The following CBX7 variants were observed in gnomAD, a reference collection of about 807,000 sequenced individuals.
CBX7 encodes the protein chromobox 7.
A neutral mutation model predicts 31.4 loss-of-function variants in CBX7; 14 were observed. That is an observed-to-expected ratio of 0.45 (90% CI 0.29 to 0.70). CBX7 has a LOEUF of 0.70. CBX7 is among the 30% of genes least tolerant of loss of function. The probability of loss-of-function intolerance (pLI) is 0.11; values close to 1 mark genes in which losing one functional copy is unlikely to be tolerated. For synonymous variants in CBX7, 159 were observed against 152.6 expected (o/e 1.04, Z -0.31); for missense variants, 269 against 351.9 (o/e 0.76, Z 1.89).
chr22:39,147,645 G>A (rs1221212589), intron 2 of CBX7: 1 of 152,132 alleles, frequency 6.6e-6, no homozygotes, highest in Non-Finnish European at 1.5e-5. Flanking sequence ...CAAGTGAGGT[G>A]GGGATGGTTA....
chr22:39,137,190 A>G (rs1444584758), intron 4 of CBX7, among the ~76,000 whole-genome samples: 1 of 152,018 alleles, frequency 6.6e-6, no homozygotes, highest in East Asian at 1.9e-4. Flanking sequence ...TTTTTTTAGG[A>G]TTTTGGAATA....
At chr22:39,151,944 G>A (rs564097809) in intron 1 of CBX7, among the ~76,000 whole-genome samples, 1 of 152,110 alleles carries the variant, frequency 6.6e-6, no homozygotes, top group Non-Finnish European at 1.5e-5. Flanking sequence ...TCAGAGGCCG[G>A]AGGAGACTTT....
intron 4 of CBX7, chr22:39,136,079 G>C (rs1930242173): frequency 7.1e-6 from 1 of 140,698 alleles, no homozygotes; most frequent in Non-Finnish European, 1.5e-5. Flanking sequence ...GACAGAGCGA[G>C]ACTCTGTCTG....
chr22:39,136,123 ACAT>A (rs1258346476), intron 4 of CBX7: 1 of 151,382 alleles, frequency 6.6e-6, no homozygotes, highest in Admixed American at 6.6e-5. Context: ...GAAGCCCAGT[ACAT>A]TCTACCATTC....
At chr22:39,143,618 G>C (rs539444509) in intron 2 of CBX7, among the ~76,000 whole-genome samples, 4 of 152,282 alleles carry the variant, frequency 2.6e-5, no homozygotes, top group African/African-American at 9.6e-5. Flanking sequence ...TCCACTCATC[G>C]ACAGTGAGTG....
intron 3 of CBX7, 28 bp downstream of exon 3, chr22:39,141,343 C>A: frequency 6.2e-7 from 1 of 1,600,030 alleles, no homozygotes; most frequent in South Asian, 1.1e-5. Context: ...GCCCTAAGCC[C>A]CACCCGGCGG....
chr22:39,145,350 G>A (rs1347676613), intron 2 of CBX7, among the ~76,000 whole-genome samples: 2 of 152,202 alleles, frequency 1.3e-5, no homozygotes, highest in Admixed American at 1.3e-4. Context: ...CGAAGAGCCG[G>A]GCGCTGGCAA....
chr22:39,149,414 C>T (rs541892936), intron 2 of CBX7: 43 of 351,956 alleles, frequency 1.2e-4, no homozygotes, highest in Non-Finnish European at 2.1e-4. Context: ...TCATGCAGCA[C>T]TGTGCTTAAA....
chr22:39,134,834 G>A (rs890726951), intron 4 of CBX7, 82 bp from the exon 5 acceptor site: 16 of 821,090 alleles, frequency 1.9e-5, no homozygotes, highest in African/African-American at 1.8e-4. Flanking sequence ...CCTCCCACCC[G>A]GAATGCCCTT....
At chr22:39,138,609 A>G in intron 4 of CBX7, 27 bp downstream of exon 4, 1 of 1,612,322 alleles carries the variant, frequency 6.2e-7, no homozygotes, top group Non-Finnish European at 8.5e-7. Flanking sequence ...CAGGGGGAGA[A>G]AGGAGGCACA....
chr22:39,132,073 C>T lies in CBX7; in HGVS notation c.*1818G>A, dbSNP rs1930062333. On this transcript the variant is annotated 3_prime_UTR_variant, in exon 6 of 6. Coordinates refer to ENST00000216133, the MANE Select transcript of CBX7 (RefSeq NM_175709.5). ...CTGGGCTGGAGGTGAATCAGGTCAT[C>T]CCGGAGGGGACTGTCCCCCAATGGA... 1 of 152,208 alleles carries T rather than the reference C, an allele frequency of 6.6e-6. No individual in the cohort carries two copies. Among genetic ancestry groups the T allele is most frequent in the Non-Finnish European group, 1.5e-5 (1 of 68,070 alleles). The allele number at this position is 152,208 out of a possible 1,614,324, so 9.4% of individuals were successfully genotyped here. A position where few individuals can be genotyped will look rare whatever the true frequency, so the allele number is the denominator to read the frequency against.
chr22:39,150,020 A>C (rs1185009357), intron 1 of CBX7, among the ~76,000 whole-genome samples, 188 bp from the exon 2 acceptor site: 2 of 152,110 alleles, frequency 1.3e-5, no homozygotes, highest in Non-Finnish European at 2.9e-5. Flanking sequence ...CGACTGCTGC[A>C]TGCCCGCCCC....
intron 2 of CBX7, 92 bp downstream of exon 2, chr22:39,149,697 A>T: frequency 9.4e-7 from 1 of 1,067,822 alleles, no homozygotes; most frequent in Non-Finnish European, 1.5e-6. Context: ...AGCTGGAGCT[A>T]AAAGCTAGGC....
intron 4 of CBX7, chr22:39,135,029 A>G (rs924132557): frequency 9.8e-6 from 4 of 408,274 alleles, no homozygotes; most frequent in Non-Finnish European, 1.7e-5. Flanking sequence ...AGAAGCATAC[A>G]AGAAGGACAA....
chr22:39,144,623 C>A (rs184116702), intron 2 of CBX7, among the ~76,000 whole-genome samples: 1 of 152,308 alleles, frequency 6.6e-6, no homozygotes, highest in Admixed American at 6.5e-5. Flanking sequence ...TTCCTCCCCC[C>A]GGAAAAGGCT....
chr22:39,148,319 G>C (rs569550692), intron 2 of CBX7: 1 of 152,276 alleles, frequency 6.6e-6, no homozygotes, highest in African/African-American at 2.4e-5. Flanking sequence ...CAATCAAAGT[G>C]GGGGAAGGAA....
intron 4 of CBX7, among the ~76,000 whole-genome samples, chr22:39,138,098 G>A (rs887633860): frequency 2.6e-5 from 4 of 151,024 alleles, no homozygotes; most frequent in Non-Finnish European, 4.4e-5. Flanking sequence ...GGAGAATGGC[G>A]TGAACCCGGG....
At chr22:39,146,811 G>A (rs935635322) in intron 2 of CBX7, among the ~76,000 whole-genome samples, 1 of 152,164 alleles carries the variant, frequency 6.6e-6, no homozygotes, top group Non-Finnish European at 1.5e-5. Flanking sequence ...AAACGATGGA[G>A]AACCATTCAC....
chr22:39,137,566 T>C (rs1028434475), intron 4 of CBX7, among the ~76,000 whole-genome samples: 3 of 151,994 alleles, frequency 2.0e-5, no homozygotes, highest in Non-Finnish European at 4.4e-5. Flanking sequence ...CCAGGCTGGT[T>C]TTGAACTTCT....
Sources: allele counts gnomAD v4.1 joint callset (sites outside exome capture counted in the v4.1 genomes callset), GRCh38; gene constraint gnomAD v4.1.1; transcripts MANE v1.5; gene names NCBI Gene and HGNC (gene_info 2026-07-23, HGNC 2026-07-21).